Variants in NRXN3 observed in about 807,000 individuals in gnomAD.
NRXN3 encodes neurexin III.
Under a neutral mutation model 137.6 loss-of-function variants are expected in NRXN3, and 32 were observed. That is an observed-to-expected ratio of 0.23 (90% CI 0.18 to 0.31). The LOEUF is 0.31. Ranked by LOEUF, NRXN3 falls within the 10% of genes least tolerant of loss-of-function variation. The pLI, the probability that NRXN3 is intolerant of heterozygous loss-of-function variation, is 1.00. For missense variants in NRXN3, 1,574 were observed against 2,062.5 expected (o/e 0.76, Z 4.59); for synonymous variants, 798 against 784.5 (o/e 1.02, Z -0.29).
chr14:78,347,570 A>G (rs1461549308), intron 4 of NRXN3, among the ~76,000 whole-genome samples: 1 of 152,182 alleles, frequency 6.6e-6, no homozygotes, highest in African/African-American at 2.4e-5. Flanking sequence ...GGTAAGGTGG[A>G]ATACAAGACA....
chr14:78,570,738 G>A (rs1055353945), intron 4 of NRXN3, among the ~76,000 whole-genome samples: 1 of 152,218 alleles, frequency 6.6e-6, no homozygotes, highest in African/African-American at 2.4e-5. Flanking sequence ...GAGACAGGCA[G>A]ACAAAGCGTA....
chr14:78,803,181 G>T (rs1288424095), intron 8 of NRXN3, among the ~76,000 whole-genome samples: 7 of 152,078 alleles, frequency 4.6e-5, no homozygotes, highest in Admixed American at 4.6e-4. Context: ...CGATTTGTCT[G>T]CTCTGGTGGT....
intron 4 of NRXN3, among the ~76,000 whole-genome samples, chr14:78,479,824 T>G (rs1045331253): frequency 6.6e-6 from 1 of 152,164 alleles, no homozygotes. Flanking sequence ...TTGCATTAGG[T>G]ACCCTGAGGA....
chr14:79,182,914 T>C (rs1395626809), intron 15 of NRXN3, among the ~76,000 whole-genome samples: 2 of 152,190 alleles, frequency 1.3e-5, no homozygotes, highest in Admixed American at 6.5e-5. Flanking sequence ...AATTATATCA[T>C]TGATTAAATC....
At chr14:78,404,548 A>T (rs1169029777) in intron 4 of NRXN3, among the ~76,000 whole-genome samples, 1 of 152,122 alleles carries the variant, frequency 6.6e-6, no homozygotes, top group East Asian at 1.9e-4. Context: ...GGAAACTATG[A>T]TGGGAAAAAC....
At position 78,184,925 on chromosome 14, in the gene NRXN3, GT is replaced by G. The variant is rs558537588; in HGVS notation, c.-704+14254del. On this transcript the variant is annotated intron_variant, in intron 1 of 20. Coordinates refer to ENST00000335750, the MANE Select transcript of NRXN3 (RefSeq NM_001330195.2). Reference sequence around the variant, plus strand: ...AGTTTGGATGCTGTGCTTAAAGGAGGTTTATGATACAGATTTGATTTCTTCA... The same window carrying G: ...AGTTTGGATGCTGTGCTTAAAGGAGGTTATGATACAGATTTGATTTCTTCA... 7.2e-5 allele frequency among the ~76,000 whole-genome samples: 11 copies of G among 152,348 alleles called. No homozygotes were observed. In the South Asian group the frequency reaches 1.9e-3, roughly 26 times the overall value.
At chr14:79,396,216 G>T (rs2095021467) in intron 15 of NRXN3, among the ~76,000 whole-genome samples, 1 of 151,852 alleles carries the variant, frequency 6.6e-6, no homozygotes, top group African/African-American at 2.4e-5. Flanking sequence ...ATTCATATAT[G>T]GAACATAATA....
chr14:78,438,525 C>G (rs2094143182), intron 4 of NRXN3, among the ~76,000 whole-genome samples: 2 of 151,658 alleles, frequency 1.3e-5, no homozygotes, highest in African/African-American at 2.4e-5. Context: ...TGCAGCTAAT[C>G]TAATAACTGC....
chr14:79,690,499 TTTTA>T (rs2098712617), intron 17 of NRXN3, among the ~76,000 whole-genome samples: 1 of 152,126 alleles, frequency 6.6e-6, no homozygotes, highest in Non-Finnish European at 1.5e-5. Context: ...TCCTATTGCA[TTTTA>T]TTTTTCAATA....
intron 4 of NRXN3, among the ~76,000 whole-genome samples, chr14:78,577,702 T>A (rs1487363208): frequency 6.6e-6 from 1 of 152,138 alleles, no homozygotes; most frequent in Non-Finnish European, 1.5e-5. Context: ...TGACCTCAGG[T>A]GATCCACCCG....
intron 15 of NRXN3, among the ~76,000 whole-genome samples, chr14:79,224,602 T>A (rs570795396): frequency 6.6e-6 from 1 of 152,254 alleles, no homozygotes; most frequent in South Asian, 2.1e-4. Flanking sequence ...TTGAGCAGTG[T>A]TCCTCCAAAA....
chr14:79,524,453 T>C (rs534102544), intron 16 of NRXN3, among the ~76,000 whole-genome samples: 29 of 152,318 alleles, frequency 1.9e-4, no homozygotes, highest in African/African-American at 6.7e-4. Flanking sequence ...TTTTGTTATA[T>C]ACTTCACAGG....
chr14:78,981,928 G>A (rs1231600480), intron 14 of NRXN3, among the ~76,000 whole-genome samples: 1 of 152,112 alleles, frequency 6.6e-6, no homozygotes, highest in African/African-American at 2.4e-5. Context: ...GTAAGAATAG[G>A]AGCTCACAAA....
chr14:78,922,712 A>C (rs2099274343), intron 10 of NRXN3, among the ~76,000 whole-genome samples: 1 of 152,104 alleles, frequency 6.6e-6, no homozygotes, highest in Non-Finnish European at 1.5e-5. Flanking sequence ...GGAGGGGAGC[A>C]GGGGGAGGGA....
chr14:78,226,106 C>T (rs932017145), intron 1 of NRXN3, among the ~76,000 whole-genome samples: 24 of 152,084 alleles, frequency 1.6e-4, no homozygotes, highest in Non-Finnish European at 3.4e-4. Flanking sequence ...TGGGTTCAAG[C>T]GATTCTCCTG....
intron 10 of NRXN3, among the ~76,000 whole-genome samples, chr14:78,952,679 C>T (rs61994059): frequency 0.019 from 2,909 of 152,288 alleles, 33 homozygotes; most frequent in Middle Eastern, 0.048. Context: ...AGGCATCTTT[C>T]ACTACGCCTT....
chr14:78,902,741 A>G (rs962379868), intron 10 of NRXN3, among the ~76,000 whole-genome samples: 1 of 152,006 alleles, frequency 6.6e-6, no homozygotes, highest in Non-Finnish European at 1.5e-5. Flanking sequence ...GTCCAGAGCC[A>G]ACCCTACAGC....
At chr14:79,617,386 A>G (rs7149919) in intron 16 of NRXN3, among the ~76,000 whole-genome samples, 10,537 of 151,212 alleles carry the variant, frequency 0.07, 1,219 homozygotes, top group African/African-American at 0.24. Context: ...AGTAGGATCA[A>G]TTTCACCAAT....
chr14:79,566,970 T>A (rs1377687593), intron 16 of NRXN3, among the ~76,000 whole-genome samples: 1 of 152,178 alleles, frequency 6.6e-6, no homozygotes, highest in Non-Finnish European at 1.5e-5. Flanking sequence ...AGGGTTATCT[T>A]GTTCAAATAG....
Sources: allele counts gnomAD v4.1 joint callset (sites outside exome capture counted in the v4.1 genomes callset), GRCh38; gene constraint gnomAD v4.1.1; transcripts MANE v1.5; gene names NCBI Gene and HGNC (gene_info 2026-07-23, HGNC 2026-07-21).